Variants in AHSG observed in about 807,000 individuals in gnomAD.
AHSG encodes alpha 2-HS glycoprotein, also known as alpha-2-HS-glycoprotein.
AHSG carries 23 observed loss-of-function variants against 30.1 expected under a neutral mutation model. That is an observed-to-expected ratio of 0.76 (90% CI 0.55 to 1.08). The LOEUF (loss-of-function observed/expected upper bound fraction) is 1.08. Among genes scored for constraint, AHSG ranks in the 50% least tolerant of loss-of-function variants. AHSG has a pLI of 0.00. For missense variants in AHSG, 469 were observed against 459.5 expected (o/e 1.02, Z -0.19); for synonymous variants, 164 against 186.3 (o/e 0.88, Z 0.98).
In AHSG at chr3:186,613,324, C is replaced by A. The variant is rs1413946314; in HGVS notation, c.183C>A (p.Asn61Lys). ...NLPWGYKHTL[N>K]QIDEVKVWPQ... is the part of the protein sequence containing the mutation. ...CTTGGGGATACAAACACACCTTGAA[C>A]CAGATTGATGAAGTAAAGGTGTGGC... The change falls in exon 1 of 7, where the codon AAC (asparagine) becomes AAA (lysine). Residue 61 changes from asparagine to lysine, a missense_variant. Asn to Lys is a moderately conservative substitution (Grantham distance 94, BLOSUM62 0). Transcript: ENST00000411641. 1 of 1,613,830 alleles carries A rather than the reference C, an allele frequency of 6.2e-7. No homozygotes were observed. Among genetic ancestry groups the A allele is most frequent in the Non-Finnish European group, 8.5e-7 (1 of 1,179,900 alleles).
chr3:186,616,500 G>C lies in AHSG; in HGVS notation c.382G>C (p.Val128Leu). 1 of 1,612,702 alleles carries C rather than the reference G, an allele frequency of 6.2e-7. No homozygotes were observed. Among genetic ancestry groups the C allele is most frequent in the Non-Finnish European group, 8.5e-7 (1 of 1,179,352 alleles). ...LLKLDGKFSV[V>L]YAKCDSSPDS... The stretch of plus-strand genomic sequence containing the variant: ...GAAACTAGATGGCAAGTTTTCCGTG[G>C]TATACGCAAAATGTGATTCCAGTCC... Residue 128 changes from valine (V) to leucine (L), a missense_variant, in exon 3 of 7, where the codon GTA becomes CTA. Transcript: ENST00000411641.
intron 4 of AHSG, among the ~76,000 whole-genome samples, 187 bp from the exon 5 acceptor site, chr3:186,618,349 A>T (rs200295722): frequency 3.9e-5 from 6 of 152,154 alleles, no homozygotes; most frequent in Admixed American, 3.9e-4. Context: ...CCTCTAAAGC[A>T]CAAGCACTTG....
At chr3:186,613,377 A>T in intron 1 of AHSG, 23 bp downstream of exon 1, 1 of 1,588,776 alleles carries the variant, frequency 6.3e-7, no homozygotes, top group Non-Finnish European at 8.6e-7. Flanking sequence ...GCTGTCTATG[A>T]GCTGAAATAA....
intron 1 of AHSG, 96 bp downstream of exon 1, chr3:186,613,450 A>C: frequency 8.9e-7 from 1 of 1,128,140 alleles, no homozygotes. Context: ...AAATGAAACC[A>C]CAGAGGAGTA....
Position 186,621,015 on chromosome 3 carries a change from G to A in AHSG, c.*85G>A. The A allele has an allele frequency of 1.5e-6, 2 of 1,340,608 alleles. No individual in the cohort carries two copies. The highest frequency in any genetic ancestry group is 1.0e-6 in the Non-Finnish European group (1 of 971,226). 83.0% of individuals were successfully genotyped at this position (1,340,608 alleles called of 1,614,324 possible). A position where few individuals can be genotyped will look rare whatever the true frequency, so the allele number is the denominator to read the frequency against. ...AGCCTGGGCATGGGTGGGGGGCCTT[G>A]TCTGCTGGCCACGCAAGTGTCACAT... On this transcript the variant is annotated 3_prime_UTR_variant, in exon 7 of 7. Transcript: ENST00000411641.
chr3:186,617,352 TA>T lies in AHSG; in HGVS notation c.573+5del. 6.2e-7 allele frequency: 1 copy of T among 1,614,192 alleles called. No homozygotes were observed. The highest frequency in any genetic ancestry group is 1.1e-5 in the South Asian group (1 of 91,088). On this transcript the variant is annotated splice_donor_region_variant and intron_variant, in intron 4 of 6. Coordinates refer to ENST00000411641, the MANE Select transcript of AHSG (RefSeq NM_001622.4). ...GAAATTTCCCGGGCTCAGCTTGTGG[TA>T]AAGACTGAGATTCTTTTGACAGGTT...
In AHSG at chr3:186,617,413, C is replaced by G. The variant is rs773256002; in HGVS notation, c.573+63C>G. The G allele has an allele frequency of 7.4e-6, 12 of 1,612,982 alleles. No homozygotes were observed. In the South Asian group the frequency reaches 1.1e-4, roughly 15 times the overall value. On this transcript the variant is annotated intron_variant, in intron 4 of 6. Coordinates refer to ENST00000411641, the MANE Select transcript of AHSG (RefSeq NM_001622.4). ...GGTGGCACTTCGGGAATGTACTGTA[C>G]GTGGTGGAGCGGGAGGCAGGGAAGA...
rs1255566363 is a variant in AHSG, at chr3:186,617,293, C to T, written c.516C>T (p.Asn172=). The T allele has an allele frequency of 2.5e-6, 4 of 1,614,072 alleles. No individual in the cohort carries two copies. The highest frequency in any genetic ancestry group is 1.6e-4 in the Middle Eastern group (1 of 6,084). The change falls in exon 4 of 7, where the codon AAC becomes AAT. Residue 172 remains asparagine, a synonymous_variant. Coordinates refer to ENST00000411641, the MANE Select transcript of AHSG (RefSeq NM_001622.4). ...CGAAAGCTGCCCTGGCCGCCTTCAA[C>T]GCTCAGAACAACGGCTCCAATTTTC... ...HAAKAALAAF[N]AQNNGSNFQL...
chr3:186,618,106 T>C (rs573910676), intron 4 of AHSG: 1 of 160,142 alleles, frequency 6.2e-6, no homozygotes, highest in African/African-American at 2.4e-5. Context: ...GCCTGCTCTA[T>C]GAAACAGGTG....
chr3:186,615,332 T>A (rs1036576404), intron 1 of AHSG, among the ~76,000 whole-genome samples: 1 of 152,094 alleles, frequency 6.6e-6, no homozygotes, highest in Non-Finnish European at 1.5e-5. Context: ...TCTTAAAAAA[T>A]TAAATAAATA....
chr3:186,617,449 G>A, intron 4 of AHSG, 99 bp downstream of exon 4: 1 of 1,594,904 alleles, frequency 6.3e-7, no homozygotes, highest in East Asian at 2.2e-5. Context: ...ACAGGCGCAG[G>A]GGCAGCGATG....
At chr3:186,618,466 C>T (rs1716377328) in intron 4 of AHSG, 70 bp from the exon 5 acceptor site, 17 of 1,585,082 alleles carry the variant, frequency 1.1e-5, no homozygotes, top group Middle Eastern at 1.7e-4. Context: ...GGCTACTTCC[C>T]GCTCTCCTTC....
chr3:186,620,703 T>A lies in AHSG; in HGVS notation c.877T>A (p.Ser293Thr). Residue 293 changes from serine to threonine, a missense_variant, in exon 7 of 7, where the codon TCA (serine) becomes ACA (threonine). Physicochemically the swap from Ser to Thr is moderately conservative, Grantham distance 58 (BLOSUM62 1). Transcript: ENST00000411641. ...LGAPGLPPAG[S>T]PPDSHVLLAA... ...CGCACCTGGACTCCCTCCAGCTGGC[T>A]CACCCCCAGACTCCCATGTGTTACT... 6.2e-7 allele frequency: 1 copy of A among 1,614,144 alleles called. No individual in the cohort carries two copies. Among genetic ancestry groups the A allele is most frequent in the South Asian group, 1.1e-5 (1 of 91,086 alleles).
chr3:186,619,283 C>T lies in AHSG; in HGVS notation c.676-574C>T, dbSNP rs147460228. On this transcript the variant is annotated intron_variant, in intron 5 of 6. Coordinates refer to ENST00000411641, the MANE Select transcript of AHSG (RefSeq NM_001622.4). Reference sequence around the variant, plus strand: ...CTGCACTCCAGCCTGGGCAACAGAACGAGACTCTGTCTCAAGAAAAAAAGA... The same window carrying T: ...CTGCACTCCAGCCTGGGCAACAGAATGAGACTCTGTCTCAAGAAAAAAAGA... Among the ~76,000 whole-genome samples, 703 of 151,920 alleles carry T rather than the reference C, an allele frequency of 4.6e-3. 6 individuals carry two copies. Among genetic ancestry groups the T allele is most frequent in the African/African-American group, 0.016 (659 of 41,418 alleles).
At chr3:186,617,388 G>A in intron 4 of AHSG, 38 bp downstream of exon 4, 1 of 1,614,128 alleles carries the variant, frequency 6.2e-7, no homozygotes, top group Non-Finnish European at 8.5e-7. Flanking sequence ...TGGGCAGTTC[G>A]GTGGCACTTC....
Position 186,617,353 on chromosome 3 carries a change from A to T in AHSG, c.573+3A>T. 6.2e-7 allele frequency: 1 copy of T among 1,614,184 alleles called. No homozygotes were observed. The highest frequency in any genetic ancestry group is 8.5e-7 in the Non-Finnish European group (1 of 1,180,034). On this transcript the variant is annotated splice_donor_region_variant and intron_variant, in intron 4 of 6. Coordinates refer to ENST00000411641, the MANE Select transcript of AHSG (RefSeq NM_001622.4). Reference sequence around the variant, plus strand: ...AAATTTCCCGGGCTCAGCTTGTGGTAAAGACTGAGATTCTTTTGACAGGTT... The same window carrying T: ...AAATTTCCCGGGCTCAGCTTGTGGTTAAGACTGAGATTCTTTTGACAGGTT...
chr3:186,615,182 G>C (rs1716260178), intron 1 of AHSG, among the ~76,000 whole-genome samples: 1 of 151,794 alleles, frequency 6.6e-6, no homozygotes. Flanking sequence ...ATAATGAAAA[G>C]GAAGAAAGAA....
chr3:186,616,314 T>C, intron 2 of AHSG, 129 bp from the exon 3 acceptor site: 1 of 626,030 alleles, frequency 1.6e-6, no homozygotes, highest in East Asian at 2.8e-5. Context: ...AAGCAGAGAG[T>C]GCCATGTTTC....
intron 4 of AHSG, 119 bp downstream of exon 4, chr3:186,617,469 G>T (rs745497878): frequency 1.3e-6 from 2 of 1,555,180 alleles, no homozygotes; most frequent in South Asian, 1.2e-5. Context: ...GAGAAAGCAA[G>T]GAGAGGGTTG....
Sources: allele counts gnomAD v4.1 joint callset (sites outside exome capture counted in the v4.1 genomes callset), GRCh38; gene constraint gnomAD v4.1.1; transcripts MANE v1.5; gene names NCBI Gene and HGNC (gene_info 2026-07-23, HGNC 2026-07-21).